Variants in SASH1 observed in about 807,000 individuals in gnomAD.
SASH1 encodes the protein SAM and SH3 domain-containing protein 1.
Under a neutral mutation model 125.2 loss-of-function variants are expected in SASH1, and 44 were observed. The ratio of observed to expected loss-of-function variants is 0.35; its 90% CI spans 0.28 to 0.45. The LOEUF is 0.45. Among genes scored for constraint, SASH1 ranks in the 20% least tolerant of loss-of-function variants. The pLI, the probability that SASH1 is intolerant of heterozygous loss-of-function variation, is 1.00. For missense variants in SASH1, 1,426 were observed against 1,614.5 expected, an observed-to-expected ratio of 0.88 and a Z score of 2.00; for synonymous variants, 639 against 649.1, an observed-to-expected ratio of 0.98 and a Z score of 0.24.
chr6:148,200,797 TTC>T, the SASH1 span, among the ~76,000 whole-genome samples: 16 of 152,204 alleles, frequency 1.1e-4, no homozygotes, highest in Non-Finnish European at 1.6e-4. Context: ...AGAAGAGAGA[TTC>T]TCTGTGTTCT....
chr6:148,284,983 A>C (rs928013818), intron 1 of SASH1, among the ~76,000 whole-genome samples: 3 of 152,208 alleles, frequency 2.0e-5, no homozygotes, highest in African/African-American at 7.2e-5. Context: ...CAAAACAAAC[A>C]AACCAACAAG....
intron 16 of SASH1, among the ~76,000 whole-genome samples, chr6:148,538,037 G>T (rs1320368762): frequency 6.6e-6 from 1 of 152,106 alleles, no homozygotes; most frequent in Non-Finnish European, 1.5e-5. Flanking sequence ...AAAAGGTCAT[G>T]GTCTTGATTC....
intron 1 of SASH1, among the ~76,000 whole-genome samples, chr6:148,326,497 C>T (rs1217938244): frequency 4.8e-5 from 7 of 147,268 alleles, no homozygotes; most frequent in African/African-American, 7.6e-5. Flanking sequence ...CACTGCCTCC[C>T]GGGTTCAAGC....
the SASH1 span, among the ~76,000 whole-genome samples, chr6:148,261,792 C>G: frequency 2.1e-3 from 318 of 152,126 alleles, no homozygotes; most frequent in African/African-American, 7.2e-3. Flanking sequence ...CCCTGCCAAA[C>G]CATCAGTCAA....
chr6:148,516,968 A>G (rs1780477060), intron 9 of SASH1, among the ~76,000 whole-genome samples: 1 of 152,104 alleles, frequency 6.6e-6, no homozygotes, highest in Admixed American at 6.5e-5. Context: ...ACCCTGGCCA[A>G]TCTTTAACCT....
At chr6:148,458,093 C>G (rs1777446773) in intron 4 of SASH1, among the ~76,000 whole-genome samples, 2 of 152,200 alleles carry the variant, frequency 1.3e-5, no homozygotes, top group South Asian at 4.1e-4. Flanking sequence ...TCTCATATAG[C>G]AGGTAGTCTG....
chr6:148,302,260 C>T lies in SASH1; in HGVS notation n.74+29883C>T, dbSNP rs565380729. On this transcript the variant is annotated intron_variant and non_coding_transcript_variant, in intron 1 of 3. Transcript: ENST00000367469. The stretch of plus-strand genomic sequence containing the variant: ...CTGGGAGGTGGAGCTTGGAGTGAGC[C>T]GAGATCCCGCCACTGCACTCCAGCC... Among the ~76,000 whole-genome samples the T allele has an allele frequency of 2.2e-3, 295 of 131,736 alleles. 1 individual carries two copies. Among genetic ancestry groups the T allele is most frequent in the African/African-American group, 8.1e-3 (281 of 34,488 alleles). 86.4% of individuals were successfully genotyped at this position (131,736 alleles called of 152,430 possible). A position where few individuals can be genotyped will look rare whatever the true frequency, so the allele number is the denominator to read the frequency against.
chr6:148,536,449 C>T (rs1212834170), intron 16 of SASH1, among the ~76,000 whole-genome samples: 1 of 152,218 alleles, frequency 6.6e-6, no homozygotes, highest in African/African-American at 2.4e-5. Context: ...AAGCAATTCT[C>T]CTGCCTCAGC....
chr6:148,505,043 A>G (rs1301284032), intron 8 of SASH1, among the ~76,000 whole-genome samples: 1 of 152,212 alleles, frequency 6.6e-6, no homozygotes, highest in Admixed American at 6.5e-5. Flanking sequence ...TGTATTTCAC[A>G]TGGAACGAGG....
At chr6:148,374,783 C>T (rs376764654) in intron 1 of SASH1, among the ~76,000 whole-genome samples, 36 of 152,094 alleles carry the variant, frequency 2.4e-4, no homozygotes, top group East Asian at 7.7e-4. Flanking sequence ...CTGCAACCTC[C>T]GTCTTCTGGG....
At chr6:148,440,322 T>C (rs547077377) in intron 3 of SASH1, 36 bp from the exon 4 acceptor site, 1 of 1,612,742 alleles carries the variant, frequency 6.2e-7, no homozygotes, top group Admixed American at 1.7e-5. Flanking sequence ...AGCCTGCTGC[T>C]CTGACCACAC....
chr6:148,496,889 AAAAG>A (rs1228745135), intron 8 of SASH1, among the ~76,000 whole-genome samples: 1 of 152,122 alleles, frequency 6.6e-6, no homozygotes, highest in South Asian at 2.1e-4. Flanking sequence ...AAGAAAAAAA[AAAAG>A]TAAATTTTTT....
chr6:148,322,117 G>A (rs1274208597), intron 1 of SASH1, among the ~76,000 whole-genome samples: 3 of 152,080 alleles, frequency 2.0e-5, no homozygotes, highest in East Asian at 1.9e-4. Context: ...TTGGGAGGCC[G>A]AGGCAAGCAG....
chr6:148,437,450 A>G (rs751095607), intron 2 of SASH1, among the ~76,000 whole-genome samples: 2 of 152,254 alleles, frequency 1.3e-5, no homozygotes, highest in African/African-American at 2.4e-5. Context: ...CTCCTGCTCA[A>G]CATCAGTAAG....
chr6:148,315,724 T>G (rs1319801508), intron 1 of SASH1, among the ~76,000 whole-genome samples: 1 of 152,146 alleles, frequency 6.6e-6, no homozygotes. Context: ...GGCAACATAG[T>G]GAGACCCCAT....
At chr6:148,478,493 G>A (rs1386849121) in intron 7 of SASH1, among the ~76,000 whole-genome samples, 1 of 152,160 alleles carries the variant, frequency 6.6e-6, no homozygotes, top group East Asian at 1.9e-4. Flanking sequence ...TGAACTGATG[G>A]AGATAGAGAG....
At chr6:148,263,890 G>C in the SASH1 span, among the ~76,000 whole-genome samples, 1 of 152,150 alleles carries the variant, frequency 6.6e-6, no homozygotes, top group African/African-American at 2.4e-5. Context: ...GAGCTGGTCC[G>C]GAGGAAATCT....
At chr6:148,477,638 G>C (rs1280062903) in intron 7 of SASH1, among the ~76,000 whole-genome samples, 1 of 151,388 alleles carries the variant, frequency 6.6e-6, no homozygotes. Context: ...TGATTCTCCT[G>C]CATCGGCGTC....
rs1209671882 is a variant in SASH1 at position 148,390,134 on chromosome 6, G to A, written c.157G>A (p.Asp53Asn). Residue 53 changes from aspartate to asparagine, a missense_variant and splice_region_variant, in exon 2 of 20, where the codon GAC (aspartate) becomes AAC (asparagine). Around this residue, in one of 3 missense-constraint regions of SASH1, gnomAD observed 567 missense variants for 575.6 expected, o/e 0.99. Transcript: ENST00000367467. ...CGCCTTTGTTTGTCCACCCCTTCAG[G>A]ACGGTTCACTGGGAAACATCGATGA... is the stretch of plus-strand genomic sequence containing the variant. ...RLWTDVMGIL[D>N]GSLGNIDDLA... 2 of 1,612,912 alleles carry A rather than the reference G, an allele frequency of 1.2e-6. No homozygotes were observed. Among genetic ancestry groups the A allele is most frequent in the African/African-American group, 1.3e-5 (1 of 74,878 alleles).
Sources: gnomAD v4.1 joint callset for allele counts (sites outside exome capture counted in the v4.1 genomes callset) on GRCh38, gnomAD v4.1.1 for gene constraint, gnomAD v4.1.1 regional missense constraint, MANE v1.5 for transcripts, NCBI Gene and HGNC (gene_info 2026-07-23, HGNC 2026-07-21) for gene names.